SLC20A1: variants seen among roughly 807,000 people sequenced by gnomAD.
SLC20A1 encodes the protein solute carrier family 20 member 1.
Under a neutral mutation model 62.7 loss-of-function variants are expected in SLC20A1, and 28 were observed. The ratio of observed to expected loss-of-function variants is 0.45; its 90% confidence interval spans 0.33 to 0.61. SLC20A1 has a LOEUF of 0.61. Ranked by LOEUF, SLC20A1 falls within the 20% of genes least tolerant of loss-of-function variation. SLC20A1 has a pLI of 0.02. For synonymous variants in SLC20A1, 305 were observed against 302.9 expected, an observed-to-expected ratio of 1.01 and a Z score of -0.07; for missense variants, 673 against 838.6, an observed-to-expected ratio of 0.80 and a Z score of 2.44.
In SLC20A1 at chr2:112,658,699, AT is replaced by A. The variant is rs1686664703; in HGVS notation, c.779-125del. ...AAGCAGGCAGGAAAAATGTTCCTGA[AT>A]GTTAATTGAAGTTCACATACATTCT... On this transcript the variant is annotated intron_variant, in intron 6 of 10. Transcript: ENST00000272542. 1.2e-5 allele frequency: 13 copies of A among 1,054,098 alleles called. No individual in the cohort carries two copies. The South Asian group carries it at 2.2e-4, about 18-fold the overall frequency. 65.3% of individuals were successfully genotyped at this position (1,054,098 alleles called of 1,614,324 possible). A position where few individuals can be genotyped will look rare whatever the true frequency, so the allele number is the denominator to read the frequency against.
In SLC20A1 at chr2:112,647,115, A is replaced by G. The variant is rs1334363261; in HGVS notation, c.287A>G (p.Asn96Ser). The G allele has an allele frequency of 1.2e-6, 2 of 1,613,772 alleles. No individual in the cohort carries two copies. The highest frequency in any genetic ancestry group is 1.7e-6 in the Non-Finnish European group (2 of 1,179,910). The change falls in exon 2 of 11, where the codon AAC (asparagine) becomes AGC (serine). Residue 96 changes from asparagine (N) to serine (S), a missense_variant. Physicochemically the swap from Asn to Ser is conservative, Grantham distance 46 (BLOSUM62 1). Transcript: ENST00000272542. Reference sequence around the variant, plus strand: ...GGCTTGATTGACGTGGAGATGTACAACTCGACTCAAGGGCTGCTGATGGCC... The same window carrying G: ...GGCTTGATTGACGTGGAGATGTACAGCTCGACTCAAGGGCTGCTGATGGCC... ...RKGLIDVEMYNSTQGLLMAGS... is the reference protein window; with the variant it reads ...RKGLIDVEMYSSTQGLLMAGS...
chr2:112,661,120 A>G (rs966843879), intron 9 of SLC20A1, 22 bp from the exon 10 acceptor site: 12 of 1,604,002 alleles, frequency 7.5e-6, no homozygotes, highest in Non-Finnish European at 9.4e-6. Flanking sequence ...ACTTCCTGAC[A>G]AGAATCCTTT....
intron 7 of SLC20A1, 34 bp downstream of exon 7, chr2:112,659,128 C>T: frequency 5.0e-6 from 8 of 1,609,372 alleles, no homozygotes; most frequent in Non-Finnish European, 6.8e-6. Flanking sequence ...CTTTTGTTAC[C>T]TGCAGTGGTG....
Position 112,647,422 on chromosome 2 carries a change from A to C in SLC20A1, c.433A>C (p.Lys145Gln), listed in dbSNP as rs1287163637. The C allele has an allele frequency of 2.5e-6, 4 of 1,614,064 alleles. No homozygotes were observed. In the East Asian group the frequency reaches 6.7e-5, roughly 27 times the overall value. Residue 145 changes from lysine to glutamine, a missense_variant, in exon 3 of 11, where the codon AAG becomes CAG. Lys to Gln is a moderately conservative substitution (Grantham distance 53). Coordinates refer to ENST00000272542, the MANE Select transcript of SLC20A1 (RefSeq NM_005415.5). ...GATIGFSLVAKGQEGVKWSEL... is the reference protein window; with the variant it reads ...GATIGFSLVAQGQEGVKWSEL... ...AACTATTGGTTTCTCCCTCGTGGCA[A>C]AGGGGCAGGAGGGTGTCAAGTGGTC...
chr2:112,659,188 T>G lies in SLC20A1; in HGVS notation c.1049-16T>G. The G allele has an allele frequency of 6.2e-7, 1 of 1,607,274 alleles. No individual in the cohort carries two copies. The highest frequency in any genetic ancestry group is 1.1e-5 in the South Asian group (1 of 90,874). ...ATGCTTTTTGTATTGAATGTCACCT[T>G]GGTGATCTTGACTAGGTGCAGTGCA... On this transcript the variant is annotated splice_polypyrimidine_tract_variant and intron_variant, in intron 7 of 10. Coordinates refer to ENST00000272542, the MANE Select transcript of SLC20A1 (RefSeq NM_005415.5).
In SLC20A1 at chr2:112,658,819, TCCTAGGAG is replaced by T; in HGVS notation, c.779-5_781del. On this transcript the variant is annotated splice_acceptor_variant and splice_polypyrimidine_tract_variant and coding_sequence_variant and intron_variant, in exon 7 of 11. Transcript: ENST00000272542. LOFTEE classifies it high-confidence loss of function. ...AACCAAAAAAGACCCCCCTTTTTTT[TCCTAGGAG>T]AAATAAAGTGTAGTCCTTCTGAAAG... is the stretch of plus-strand genomic sequence containing the variant. 1 of 1,588,062 alleles carries T rather than the reference TCCTAGGAG, an allele frequency of 6.3e-7. No individual in the cohort carries two copies. Among genetic ancestry groups the T allele is most frequent in the Admixed American group, 1.8e-5 (1 of 55,248 alleles).
intron 5 of SLC20A1, among the ~76,000 whole-genome samples, chr2:112,656,452 C>T (rs999163673): frequency 1.3e-5 from 2 of 152,038 alleles, no homozygotes; most frequent in Admixed American, 6.5e-5. Flanking sequence ...CTGCCTGCCA[C>T]GGCCTCCCAA....
chr2:112,658,706 T>C (rs17042222), intron 6 of SLC20A1, 119 bp from the exon 7 acceptor site: 2 of 1,110,096 alleles, frequency 1.8e-6, no homozygotes, highest in East Asian at 2.4e-5. Context: ...TGAATGTTAA[T>C]TGAAGTTCAC....
At position 112,659,427 on chromosome 2, in the gene SLC20A1, A is replaced by G. The variant is rs769366326; in HGVS notation, c.1272A>G (p.Ala424=). The change falls in exon 8 of 11, where the codon GCA becomes GCG. Residue 424 remains alanine (A), a synonymous_variant. Transcript: ENST00000272542. ...RNNSYTSYTM[A]ICGMPLDSFR... is the part of the protein sequence containing the mutation. The stretch of plus-strand genomic sequence containing the variant: ...ATAGCTATACTTCCTATACCATGGC[A>G]ATATGTGGCATGCCTCTGGATTCAT... 6.2e-7 allele frequency: 1 copy of G among 1,614,220 alleles called. No homozygotes were observed. The highest frequency in any genetic ancestry group is 8.5e-7 in the Non-Finnish European group (1 of 1,180,042).
At chr2:112,662,640 G>A (rs951245374) in intron 10 of SLC20A1, among the ~76,000 whole-genome samples, 4 of 152,190 alleles carry the variant, frequency 2.6e-5, no homozygotes, top group Non-Finnish European at 5.9e-5. Context: ...CTGAGAAGGG[G>A]AAAAGAAATA....
In SLC20A1 at chr2:112,647,734, A is replaced by G. The variant is rs1686322577; in HGVS notation, c.557A>G (p.His186Arg). ...TTCCTGGTTCGTGCATTCATCCTCC[A>G]TAAGGTAACCTTTCTCCCCCGTATG... ...LFFLVRAFIL[H>R]KADPVPNGLR... Residue 186 changes from histidine to arginine, a missense_variant, in exon 4 of 11, where the codon CAT (histidine) becomes CGT (arginine). By Grantham distance (29) the His-to-Arg change is conservative (BLOSUM62 0). Transcript: ENST00000272542. The G allele has an allele frequency of 1.9e-6, 3 of 1,612,630 alleles. No individual in the cohort carries two copies. The highest frequency in any genetic ancestry group is 2.7e-5 in the African/African-American group (2 of 74,990).
chr2:112,658,739 G>GT, intron 6 of SLC20A1, 86 bp from the exon 7 acceptor site: 2 of 1,431,724 alleles, frequency 1.4e-6, no homozygotes, highest in Non-Finnish European at 9.4e-7. Context: ...TTTGAGATGA[G>GT]TTTTTTGGGG....
At chr2:112,652,617 C>T in intron 4 of SLC20A1, 85 bp from the exon 5 acceptor site, 1 of 1,099,098 alleles carries the variant, frequency 9.1e-7, no homozygotes. Context: ...CACTATAATT[C>T]CCAAACCTAC....
intron 10 of SLC20A1, 22 bp from the exon 11 acceptor site, chr2:112,662,842 C>T: frequency 6.2e-7 from 1 of 1,611,512 alleles, no homozygotes; most frequent in South Asian, 1.1e-5. Flanking sequence ...TAACCTGTTT[C>T]CTTGGTCTGC....
chr2:112,648,700 A>G (rs1686349205), intron 4 of SLC20A1, among the ~76,000 whole-genome samples: 1 of 152,244 alleles, frequency 6.6e-6, no homozygotes, highest in Non-Finnish European at 1.5e-5. Flanking sequence ...CTGGCAGAAT[A>G]TAGCAGTTTA....
chr2:112,647,358 G>A lies in SLC20A1; in HGVS notation c.369G>A (p.Leu123=). The stretch of plus-strand genomic sequence containing the variant: ...TGTGGCAACTCGTGGCTTCGTTTTT[G>A]AAGCTCCCTATTTCTGGAACCCATT... ...SAVWQLVASF[L]KLPISGTHCI... Residue 123 remains leucine (L), a synonymous_variant, in exon 3 of 11, where the codon TTG becomes TTA. Coordinates refer to ENST00000272542, the MANE Select transcript of SLC20A1 (RefSeq NM_005415.5). 1 of 1,614,028 alleles carries A rather than the reference G, an allele frequency of 6.2e-7. No homozygotes were observed. The highest frequency in any genetic ancestry group is 8.5e-7 in the Non-Finnish European group (1 of 1,179,978).
chr2:112,651,637 A>C (rs1380490136), intron 4 of SLC20A1, among the ~76,000 whole-genome samples: 4 of 151,926 alleles, frequency 2.6e-5, no homozygotes, highest in Non-Finnish European at 4.4e-5. Flanking sequence ...CGATCTCCTG[A>C]CCTCATGATT....
intron 8 of SLC20A1, 135 bp from the exon 9 acceptor site, chr2:112,660,252 A>G (rs1412360963): frequency 2.7e-6 from 2 of 749,604 alleles, no homozygotes; most frequent in East Asian, 2.5e-5. Flanking sequence ...TTATGTCTTT[A>G]GAAAGAAAGG....
At chr2:112,654,906 A>AG (rs1370924369) in intron 5 of SLC20A1, among the ~76,000 whole-genome samples, 1 of 151,058 alleles carries the variant, frequency 6.6e-6, no homozygotes, top group Non-Finnish European at 1.5e-5. Context: ...AAAAAAAAAA[A>AG]AAAAAAGTTC....
Sources: allele counts gnomAD v4.1 joint callset (sites outside exome capture counted in the v4.1 genomes callset), GRCh38; gene constraint gnomAD v4.1.1; transcripts MANE v1.5; gene names NCBI Gene and HGNC (gene_info 2026-07-23, HGNC 2026-07-21).